Variants in GPHN observed in about 807,000 individuals in gnomAD.
GPHN encodes the protein gephyrin.
A neutral mutation model predicts 95.5 loss-of-function variants in GPHN; 17 were observed. The ratio of observed to expected loss-of-function variants is 0.18; its 90% CI spans 0.12 to 0.27. GPHN has a LOEUF of 0.27. GPHN is among the 10% of genes least tolerant of loss of function. The probability of loss-of-function intolerance (pLI) is 1.00; values close to 1 mark genes in which losing one functional copy is unlikely to be tolerated. For synonymous variants in GPHN, 320 were observed against 322.5 expected (o/e 0.99, Z 0.08); for missense variants, 660 against 978.1 (o/e 0.67, Z 4.34).
the GPHN span, among the ~76,000 whole-genome samples, chr14:67,314,085 G>A: frequency 1.3e-5 from 2 of 151,720 alleles, no homozygotes; most frequent in East Asian, 1.9e-4. Flanking sequence ...CTTTTTTAGC[G>A]ATCATCCCTC....
chr14:67,577,319 C>A, the GPHN span: 1 of 1,572,194 alleles, frequency 6.4e-7, no homozygotes, highest in Non-Finnish European at 8.6e-7. Context: ...GCTCTGGAGG[C>A]ACCCCATGCT....
chr14:67,341,463 T>TG, the GPHN span, among the ~76,000 whole-genome samples: 6 of 147,630 alleles, frequency 4.1e-5, no homozygotes, highest in South Asian at 4.3e-4. Context: ...GGAGGGAGGT[T>TG]GGGGGGTCAG....
intron 1 of GPHN, among the ~76,000 whole-genome samples, chr14:66,567,711 GC>G (rs1442130876): frequency 1.3e-5 from 2 of 152,096 alleles, no homozygotes; most frequent in African/African-American, 4.8e-5. Context: ...TACTTTTGTT[GC>G]TTTTGTTTAC....
intron 18 of GPHN, among the ~76,000 whole-genome samples, chr14:67,145,687 C>T (rs1378140369): frequency 1.3e-5 from 2 of 152,090 alleles, no homozygotes; most frequent in Non-Finnish European, 2.9e-5. Flanking sequence ...TAGGGTACCT[C>T]CATAGTAGAA....
chr14:67,119,750 A>T (rs2078905710), intron 16 of GPHN, among the ~76,000 whole-genome samples: 1 of 152,210 alleles, frequency 6.6e-6, no homozygotes, highest in African/African-American at 2.4e-5. Context: ...AGATCACGCC[A>T]TTGCACTCCA....
At chr14:67,383,589 T>C in the GPHN span, 1 of 1,143,010 alleles carries the variant, frequency 8.7e-7, no homozygotes, top group Non-Finnish European at 1.2e-6. Context: ...GATCAGAACA[T>C]GAAATGCCCT....
intron 9 of GPHN, among the ~76,000 whole-genome samples, chr14:66,997,015 G>A (rs754031817): frequency 6.6e-6 from 1 of 151,900 alleles, no homozygotes; most frequent in Non-Finnish European, 1.5e-5. Flanking sequence ...CAAAGCAGGG[G>A]CACTGTTTGA....
chr14:66,745,722 T>G (rs2058117757), intron 2 of GPHN, among the ~76,000 whole-genome samples: 1 of 152,058 alleles, frequency 6.6e-6, no homozygotes, highest in South Asian at 2.1e-4. Flanking sequence ...TTAATTAAAG[T>G]AACTTGAATT....
At chr14:67,296,405 C>G in the GPHN span, among the ~76,000 whole-genome samples, 21 of 151,720 alleles carry the variant, frequency 1.4e-4, no homozygotes, top group African/African-American at 5.1e-4. Context: ...TCGAGACCAT[C>G]CTGGCTAACA....
chr14:66,673,385 C>T (rs2066412495), intron 1 of GPHN, among the ~76,000 whole-genome samples: 1 of 152,188 alleles, frequency 6.6e-6, no homozygotes, highest in South Asian at 2.1e-4. Context: ...AGCCACCACG[C>T]CCTGCCTGTT....
chr14:67,036,501 GCACACACACACACACA>G (rs762967467), intron 10 of GPHN, among the ~76,000 whole-genome samples: 7 of 118,186 alleles, frequency 5.9e-5, no homozygotes, highest in Non-Finnish European at 8.3e-5. Flanking sequence ...ATACATACAT[GCACACACACACACACA>G]CACACACACA....
At chr14:67,540,324 T>C in the GPHN span, among the ~76,000 whole-genome samples, 1 of 152,120 alleles carries the variant, frequency 6.6e-6, no homozygotes, top group African/African-American at 2.4e-5. Flanking sequence ...TTTTAACAGA[T>C]GACATTTAAA....
intron 9 of GPHN, among the ~76,000 whole-genome samples, chr14:67,009,467 T>C (rs2153615319): frequency 6.6e-6 from 1 of 152,208 alleles, no homozygotes; most frequent in Middle Eastern, 3.4e-3. Context: ...AAATAGAATA[T>C]GCCTTTTTCA....
chr14:67,196,547 G>T, the GPHN span, among the ~76,000 whole-genome samples: 1 of 152,266 alleles, frequency 6.6e-6, no homozygotes, highest in South Asian at 2.1e-4. Context: ...CTTACTAGAA[G>T]ATGTCAACAA....
At chr14:67,398,450 C>T in the GPHN span, among the ~76,000 whole-genome samples, 4 of 152,162 alleles carry the variant, frequency 2.6e-5, no homozygotes, top group African/African-American at 9.7e-5. Flanking sequence ...GCTCTACCAC[C>T]CACCTGAGAG....
At chr14:67,326,221 ATTTTTTTTTTTTTT>A in the GPHN span, among the ~76,000 whole-genome samples, 29 of 12,914 alleles carry the variant, frequency 2.2e-3, no homozygotes, top group South Asian at 4.7e-3. Context: ...TTTAGGTCTG[ATTTTTTTTTTTTTT>A]TTTTTTTTTT....
intron 3 of GPHN, among the ~76,000 whole-genome samples, chr14:66,792,725 G>A (rs1046905406): frequency 1.3e-5 from 2 of 152,176 alleles, no homozygotes; most frequent in African/African-American, 4.8e-5. Flanking sequence ...CTAACCCAGT[G>A]GTGCTAGAGG....
At chr14:67,672,445 T>C in the GPHN span, among the ~76,000 whole-genome samples, 1 of 99,414 alleles carries the variant, frequency 1.0e-5, no homozygotes, top group African/African-American at 2.9e-5. Context: ...TTCTTTTCTT[T>C]TCTTTTTTTT....
chr14:67,543,465 G>A, the GPHN span, among the ~76,000 whole-genome samples: 4 of 152,252 alleles, frequency 2.6e-5, no homozygotes. Flanking sequence ...ACCTTAGACA[G>A]TGATTCTCAA....
Sources: gnomAD v4.1 joint callset for allele counts (sites outside exome capture counted in the v4.1 genomes callset) on GRCh38, gnomAD v4.1.1 for gene constraint, MANE v1.5 for transcripts, NCBI Gene and HGNC (gene_info 2026-07-23, HGNC 2026-07-21) for gene names.